Variants in EEFSEC observed in about 807,000 individuals in gnomAD.
EEFSEC encodes eukaryotic elongation factor, selenocysteine-tRNA specific.
A neutral mutation model predicts 42.1 loss-of-function variants in EEFSEC; 43 were observed. That is an observed-to-expected ratio of 1.02 (90% confidence interval 0.80 to 1.32). The LOEUF (loss-of-function observed/expected upper bound fraction) is 1.32. Ranked by LOEUF, EEFSEC falls within the 40% of genes most tolerant of loss-of-function variation. The pLI is 0.00. For synonymous variants in EEFSEC, 354 were observed against 339.1 expected, an observed-to-expected ratio of 1.04 and a Z score of -0.48; for missense variants, 745 against 803.6, an observed-to-expected ratio of 0.93 and a Z score of 0.88.
rs1015255714 is a variant in EEFSEC at position 128,153,754 on chromosome 3, G to A, written c.247G>A (p.Glu83Lys). ...AAPEAEPEPGEPLLQVTLVDC... is the reference protein window; with the variant it reads ...AAPEAEPEPGKPLLQVTLVDC... ...GCCCGAGGCCGAGCCCGAGCCCGGCGAGCCACTGCTTCAGGTCACGCTGGT... is the reference window on the plus strand; with the variant it reads ...GCCCGAGGCCGAGCCCGAGCCCGGCAAGCCACTGCTTCAGGTCACGCTGGT... Residue 83 changes from glutamate (E) to lysine (K), a missense_variant, in exon 1 of 7, where the codon GAG (glutamate) becomes AAG (lysine). Transcript: ENST00000254730. 1 of 1,545,476 alleles carries A rather than the reference G, an allele frequency of 6.5e-7. No individual in the cohort carries two copies. Among genetic ancestry groups the A allele is most frequent in the Admixed American group, 1.9e-5 (1 of 52,844 alleles).
intron 6 of EEFSEC, among the ~76,000 whole-genome samples, chr3:128,388,397 C>G (rs1446336252): frequency 6.6e-6 from 1 of 152,234 alleles, no homozygotes; most frequent in East Asian, 1.9e-4. Context: ...CGAGCTCCTC[C>G]AGGGTGGGGA....
intron 6 of EEFSEC, among the ~76,000 whole-genome samples, chr3:128,405,110 T>C (rs1416859919): frequency 6.6e-6 from 1 of 151,752 alleles, no homozygotes; most frequent in Non-Finnish European, 1.5e-5. Context: ...TCCACCTCCC[T>C]GGTTCATGCC....
chr3:128,220,859 G>A (rs548530005), intron 1 of EEFSEC, among the ~76,000 whole-genome samples: 4 of 152,324 alleles, frequency 2.6e-5, no homozygotes, highest in South Asian at 4.1e-4. Flanking sequence ...GTGGCTGGGC[G>A]GTGGGACAGA....
At chr3:128,418,788 A>G in the EEFSEC span, among the ~76,000 whole-genome samples, 1 of 152,170 alleles carries the variant, frequency 6.6e-6, no homozygotes, top group Non-Finnish European at 1.5e-5. Flanking sequence ...CACTGCTACC[A>G]GGATTTGGAA....
At chr3:128,416,222 C>G in the EEFSEC span, among the ~76,000 whole-genome samples, 1 of 152,170 alleles carries the variant, frequency 6.6e-6, no homozygotes, top group Admixed American at 6.5e-5. Flanking sequence ...AACACAGAGG[C>G]TGCTGGTTCT....
chr3:128,319,188 T>C (rs1576633768), intron 4 of EEFSEC, among the ~76,000 whole-genome samples: 1 of 152,284 alleles, frequency 6.6e-6, no homozygotes. Context: ...CAACCCCTTG[T>C]CCCATTTTCT....
chr3:128,277,454 TTTTTTG>T lies in EEFSEC; in HGVS notation c.786+12693_786+12698del, dbSNP rs143232801. Among the ~76,000 whole-genome samples, 125 of 152,250 alleles carry T rather than the reference TTTTTTG, an allele frequency of 8.2e-4. 1 individual carries two copies. The highest frequency in any genetic ancestry group is 2.8e-3 in the African/African-American group (116 of 41,550). On this transcript the variant is annotated intron_variant, in intron 4 of 6. Transcript: ENST00000254730. ...ATTCCAGCCTTTCAAAGTTTGGGTG[TTTTTTG>T]TTTTTGTTTTTGTTTTTGTGTGCGT...
chr3:128,306,906 C>T (rs531035932), intron 4 of EEFSEC, among the ~76,000 whole-genome samples: 36 of 152,376 alleles, frequency 2.4e-4, no homozygotes, highest in South Asian at 2.3e-3. Flanking sequence ...TTAGCCCATA[C>T]GGCAGCATCG....
intron 4 of EEFSEC, among the ~76,000 whole-genome samples, chr3:128,289,026 T>C (rs1267150821): frequency 6.6e-6 from 1 of 152,228 alleles, no homozygotes; most frequent in Non-Finnish European, 1.5e-5. Flanking sequence ...GATCAGAGTC[T>C]GGCACTGCTA....
intron 4 of EEFSEC, among the ~76,000 whole-genome samples, chr3:128,293,588 G>C (rs1315268838): frequency 1.3e-5 from 2 of 148,938 alleles, no homozygotes; most frequent in Non-Finnish European, 3.0e-5. Flanking sequence ...TTGAACCCAG[G>C]AGGCGGAGGA....
intron 4 of EEFSEC, among the ~76,000 whole-genome samples, chr3:128,307,037 G>T (rs1457290888): frequency 6.6e-6 from 1 of 152,250 alleles, no homozygotes; most frequent in Non-Finnish European, 1.5e-5. Context: ...GAACCAGACT[G>T]CAGGGGGCTC....
chr3:128,394,893 C>G (rs975328353), intron 6 of EEFSEC, among the ~76,000 whole-genome samples: 1 of 152,230 alleles, frequency 6.6e-6, no homozygotes, highest in African/African-American at 2.4e-5. Flanking sequence ...CTGGCCCGGC[C>G]TCTGCACCCT....
intron 4 of EEFSEC, among the ~76,000 whole-genome samples, chr3:128,334,621 T>C (rs764107821): frequency 6.6e-6 from 1 of 152,252 alleles, no homozygotes; most frequent in Non-Finnish European, 1.5e-5. Context: ...TTATGAAGAA[T>C]AACTGACCCA....
chr3:128,314,692 G>C (rs2066926122), intron 4 of EEFSEC, among the ~76,000 whole-genome samples: 1 of 152,130 alleles, frequency 6.6e-6, no homozygotes, highest in Admixed American at 6.5e-5. Flanking sequence ...GGCTGTCCTG[G>C]GCATTGTAGG....
At chr3:128,395,213 C>T (rs1259796695) in intron 6 of EEFSEC, among the ~76,000 whole-genome samples, 2 of 152,180 alleles carry the variant, frequency 1.3e-5, no homozygotes, top group Non-Finnish European at 2.9e-5. Flanking sequence ...GAGGTTTCAG[C>T]ATGTGTGTGA....
chr3:128,263,527 T>C (rs2107931170), intron 3 of EEFSEC, among the ~76,000 whole-genome samples: 1 of 152,378 alleles, frequency 6.6e-6, no homozygotes, highest in East Asian at 1.9e-4. Context: ...ATAGTTGTTT[T>C]TGTTAAAGCG....
intron 6 of EEFSEC, among the ~76,000 whole-genome samples, chr3:128,375,415 A>G (rs1248063765): frequency 6.6e-6 from 1 of 152,040 alleles, no homozygotes; most frequent in Non-Finnish European, 1.5e-5. Context: ...ACAAATCCAC[A>G]CCAGGCACTA....
At chr3:128,376,540 G>A (rs1293108934) in intron 6 of EEFSEC, among the ~76,000 whole-genome samples, 3 of 152,172 alleles carry the variant, frequency 2.0e-5, no homozygotes, top group Admixed American at 2.0e-4. Flanking sequence ...CCCATCAGCT[G>A]GCAGACCCCA....
chr3:128,321,087 G>A (rs565840337), intron 4 of EEFSEC, among the ~76,000 whole-genome samples: 4 of 152,196 alleles, frequency 2.6e-5, no homozygotes, highest in Non-Finnish European at 5.9e-5. Context: ...GAGGCCCTGG[G>A]GGTGCCAGGC....
Sources: allele counts gnomAD v4.1 joint callset (sites outside exome capture counted in the v4.1 genomes callset), GRCh38; gene constraint gnomAD v4.1.1; transcripts MANE v1.5; gene names NCBI Gene and HGNC (gene_info 2026-07-23, HGNC 2026-07-21).